CDK13: variants seen among roughly 807,000 people sequenced by gnomAD.
CDK13 encodes the protein cyclin dependent kinase 13.
A neutral mutation model predicts 137.6 loss-of-function variants in CDK13; 40 were observed. The observed-to-expected ratio is 0.29, with a 90% CI of 0.23 to 0.38. CDK13 has a LOEUF of 0.38. CDK13 is among the 10% of genes least tolerant of loss of function. CDK13 has a pLI of 1.00. For synonymous variants in CDK13, 869 were observed against 760.1 expected, an observed-to-expected ratio of 1.14 and a Z score of -2.36; for missense variants, 1,704 against 1,951.8, an observed-to-expected ratio of 0.87 and a Z score of 2.39.
At chr7:39,964,103 G>A (rs1007240400) in intron 1 of CDK13, among the ~76,000 whole-genome samples, 1 of 152,132 alleles carries the variant, frequency 6.6e-6, no homozygotes, top group Non-Finnish European at 1.5e-5. Context: ...GTCTCTGCCT[G>A]GCTTTGGTAT....
At chr7:40,072,767 T>C (rs1012368483) in intron 9 of CDK13, 2 of 152,222 alleles carry the variant, frequency 1.3e-5, no homozygotes, top group South Asian at 2.1e-4. Context: ...CAGCATTACA[T>C]TGAAATAATA....
intron 9 of CDK13, among the ~76,000 whole-genome samples, chr7:40,075,001 C>T (rs1786513138): frequency 6.6e-6 from 1 of 151,878 alleles, no homozygotes; most frequent in Non-Finnish European, 1.5e-5. Flanking sequence ...TTTAGAGTGG[C>T]GGTTGAATCC....
At chr7:39,976,193 T>A (rs902762607) in intron 1 of CDK13, among the ~76,000 whole-genome samples, 6 of 151,762 alleles carry the variant, frequency 4.0e-5, no homozygotes, top group African/African-American at 1.2e-4. Flanking sequence ...CTTGGGAGGC[T>A]AAGGCAGGAG....
chr7:40,037,656 C>A (rs867928933), intron 5 of CDK13, among the ~76,000 whole-genome samples: 2 of 152,162 alleles, frequency 1.3e-5, no homozygotes, highest in South Asian at 4.1e-4. Flanking sequence ...TGGAGGCTTG[C>A]TACTGTAGAT....
Position 39,954,448 on chromosome 7 carries a change from T to A in CDK13, c.1211+2596T>A, listed in dbSNP as rs548457635. On this transcript the variant is annotated intron_variant, in intron 1 of 13. Coordinates refer to ENST00000181839, the MANE Select transcript of CDK13 (RefSeq NM_003718.5). ...TCTTTAATGAATGGACTGCTGTGAG[T>A]TCCATGAAGGCAACTGGGCTGTCTT... is the stretch of plus-strand genomic sequence containing the variant. Among the ~76,000 whole-genome samples the A allele has an allele frequency of 2.8e-4, 43 of 152,326 alleles. No individual in the cohort carries two copies. In the South Asian group the frequency reaches 8.3e-3, roughly 29 times the overall value.
intron 9 of CDK13, among the ~76,000 whole-genome samples, chr7:40,064,389 T>G (rs749553386): frequency 1.3e-5 from 2 of 152,132 alleles, no homozygotes; most frequent in Non-Finnish European, 2.9e-5. Flanking sequence ...TATATGAAGT[T>G]TTTTAGGAAA....
At chr7:39,954,184 T>TA (rs1007546043) in intron 1 of CDK13, among the ~76,000 whole-genome samples, 1 of 152,196 alleles carries the variant, frequency 6.6e-6, no homozygotes, top group Non-Finnish European at 1.5e-5. Context: ...TCTTCTAGAC[T>TA]AAAAAACTCA....
At chr7:40,017,833 A>G (rs1325222192) in intron 5 of CDK13, among the ~76,000 whole-genome samples, 2 of 151,698 alleles carry the variant, frequency 1.3e-5, no homozygotes, top group Non-Finnish European at 2.9e-5. Flanking sequence ...AAAAAATTCT[A>G]TTATAGTTTG....
intron 7 of CDK13, among the ~76,000 whole-genome samples, chr7:40,060,127 A>G (rs1262714680): frequency 1.3e-5 from 2 of 152,224 alleles, no homozygotes; most frequent in Non-Finnish European, 2.9e-5. Flanking sequence ...TGACTGCTAA[A>G]TATTGCATTA....
At chr7:40,077,961 T>C in intron 9 of CDK13, 44 bp from the exon 10 acceptor site, 1 of 817,934 alleles carries the variant, frequency 1.2e-6, no homozygotes, top group Non-Finnish European at 1.9e-6. Context: ...TATGTATTCT[T>C]TATGTAGTTG....
intron 4 of CDK13, among the ~76,000 whole-genome samples, chr7:40,001,538 A>T (rs887349367): frequency 6.6e-6 from 1 of 151,658 alleles, no homozygotes; most frequent in African/African-American, 2.4e-5. Context: ...TTTTCTTTTT[A>T]TTTTTTCCCA....
intron 2 of CDK13, among the ~76,000 whole-genome samples, chr7:39,988,676 G>C (rs1437749069): frequency 6.6e-6 from 1 of 152,070 alleles, no homozygotes; most frequent in Non-Finnish European, 1.5e-5. Context: ...ATTTATCACT[G>C]TCAGTGATTT....
At chr7:39,956,714 A>G (rs567110120) in intron 1 of CDK13, among the ~76,000 whole-genome samples, 3 of 152,140 alleles carry the variant, frequency 2.0e-5, no homozygotes, top group African/African-American at 7.2e-5. Flanking sequence ...CAGCCTCCCG[A>G]GTAGCTGGGA....
intron 5 of CDK13, among the ~76,000 whole-genome samples, chr7:40,044,256 T>A (rs1019177245): frequency 6.6e-6 from 1 of 152,042 alleles, no homozygotes; most frequent in African/African-American, 2.4e-5. Flanking sequence ...TTTTTTTCTA[T>A]TGTGAAGTCA....
chr7:40,086,142 T>C (rs1426696314), intron 11 of CDK13, among the ~76,000 whole-genome samples: 1 of 152,228 alleles, frequency 6.6e-6, no homozygotes, highest in Non-Finnish European at 1.5e-5. Flanking sequence ...TTTAAACTAA[T>C]ATTGCTAAGA....
intron 5 of CDK13, among the ~76,000 whole-genome samples, chr7:40,027,211 G>T (rs2150501553): frequency 6.6e-6 from 1 of 152,258 alleles, no homozygotes; most frequent in African/African-American, 2.4e-5. Context: ...TGGACGTGGT[G>T]GCGTGTGCCT....
Position 39,957,614 on chromosome 7 carries a change from C to A in CDK13, c.1211+5762C>A, listed in dbSNP as rs566529041. 2.6e-5 allele frequency among the ~76,000 whole-genome samples: 4 copies of A among 152,278 alleles called. No individual in the cohort carries two copies. The South Asian group carries it at 8.3e-4, about 32-fold the overall frequency. On this transcript the variant is annotated intron_variant, in intron 1 of 13. Transcript: ENST00000181839. The stretch of plus-strand genomic sequence containing the variant: ...GATTTATAAGGAGGGAATTTAAGAA[C>A]CTCCTTCTAGCTTCTACTTTATTAG...
chr7:40,027,486 A>C, intron 5 of CDK13, among the ~76,000 whole-genome samples: 1 of 152,176 alleles, frequency 6.6e-6, no homozygotes, highest in East Asian at 1.9e-4. Context: ...AGCTGGGTCT[A>C]ACCACATTTC....
chr7:39,990,262 CTCTCCTTTTCCCCCTTTTTGTTGTCTCT>C (rs1296451903), intron 2 of CDK13, among the ~76,000 whole-genome samples: 1 of 151,682 alleles, frequency 6.6e-6, no homozygotes, highest in Admixed American at 6.6e-5. Context: ...TTTCTGTCTC[CTCTCCTTTTCCCCCTTTTTGTTGTCTCT>C]TCTTTCTTTG....
Sources: allele counts gnomAD v4.1 joint callset (sites outside exome capture counted in the v4.1 genomes callset), GRCh38; gene constraint gnomAD v4.1.1; transcripts MANE v1.5; gene names NCBI Gene and HGNC (gene_info 2026-07-23, HGNC 2026-07-21).